SLC6A6: variants seen among roughly 807,000 people sequenced by gnomAD.
The protein encoded by SLC6A6 is sodium- and chloride-dependent taurine transporter.
SLC6A6 carries 16 observed loss-of-function variants against 68.8 expected under a neutral mutation model. The ratio of observed to expected loss-of-function variants is 0.23; its 90% CI spans 0.16 to 0.35. The LOEUF is 0.35. Among genes scored for constraint, SLC6A6 ranks in the 10% least tolerant of loss-of-function variants. SLC6A6 has a pLI of 1.00. For missense variants in SLC6A6, 474 were observed against 802.8 expected, an observed-to-expected ratio of 0.59 and a Z score of 4.95; for synonymous variants, 312 against 315.4, an observed-to-expected ratio of 0.99 and a Z score of 0.12.
intron 10 of SLC6A6, among the ~76,000 whole-genome samples, chr3:14,475,402 A>G (rs1282820948): frequency 6.6e-6 from 1 of 152,086 alleles, no homozygotes; most frequent in East Asian, 1.9e-4. Context: ...GCAACCAAAG[A>G]GCTCACCCAG....
At chr3:14,474,246 T>G (rs1700820613) in intron 10 of SLC6A6, among the ~76,000 whole-genome samples, 1 of 152,130 alleles carries the variant, frequency 6.6e-6, no homozygotes, top group Non-Finnish European at 1.5e-5. Flanking sequence ...TGGGGAAGGT[T>G]TTGCAGATGC....
At chr3:14,408,519 G>C (rs1354593044) in intron 1 of SLC6A6, among the ~76,000 whole-genome samples, 3 of 152,038 alleles carry the variant, frequency 2.0e-5, no homozygotes, top group African/African-American at 4.8e-5. Flanking sequence ...ATTTTTAGTA[G>C]AGACAGGGTT....
chr3:14,441,169 G>C (rs6442457), intron 2 of SLC6A6, among the ~76,000 whole-genome samples: 37,781 of 152,012 alleles, frequency 0.25, 4,838 homozygotes, highest in South Asian at 0.3. Flanking sequence ...GCAGACCCCA[G>C]CTCCTAGCGG....
chr3:14,416,717 G>T (rs529124764), intron 2 of SLC6A6, among the ~76,000 whole-genome samples: 3 of 152,398 alleles, frequency 2.0e-5, no homozygotes, highest in East Asian at 1.9e-4. Context: ...CACTGGTTTT[G>T]GAGATCCAGC....
rs1240192835 is a variant in SLC6A6, at chr3:14,456,726, A to G, written c.600-1224A>G. On this transcript the variant is annotated intron_variant, in intron 5 of 14. Coordinates refer to ENST00000622186, the MANE Select transcript of SLC6A6 (RefSeq NM_003043.6). The stretch of plus-strand genomic sequence containing the variant: ...CAGGAGCTGTTATTCTCATTTTACA[A>G]AAGGGGAAACTGAGGCACAGAGTCA... Among the ~76,000 whole-genome samples the G allele has an allele frequency of 3.3e-5, 5 of 152,142 alleles. No individual in the cohort carries two copies. The South Asian group carries it at 6.2e-4, about 19-fold the overall frequency.
rs1699012279 is a variant in SLC6A6, at chr3:14,402,758, G to C, written c.-143G>C. On this transcript the variant is annotated 5_prime_UTR_variant, in exon 1 of 15. Transcript: ENST00000622186. The surrounding 1 kb of genome is among the most constrained non-coding windows in gnomAD (Gnocchi z 4.8). Reference sequence around the variant, plus strand: ...AGAGGGAGTGCGGAGCGTTCACCCAGCGGGTCAGAGAGCGAGCGGGCAGGC... The same window carrying C: ...AGAGGGAGTGCGGAGCGTTCACCCACCGGGTCAGAGAGCGAGCGGGCAGGC... The C allele has an allele frequency of 7.5e-6, 3 of 398,026 alleles. No individual in the cohort carries two copies. The highest frequency in any genetic ancestry group is 8.9e-6 in the Non-Finnish European group (2 of 225,736). The allele number at this position is 398,026 out of a possible 1,614,324, so 24.7% of individuals were successfully genotyped here.
At chr3:14,439,580 T>C (rs1395356374) in intron 2 of SLC6A6, among the ~76,000 whole-genome samples, 1 of 152,162 alleles carries the variant, frequency 6.6e-6, no homozygotes, top group Non-Finnish European at 1.5e-5. Context: ...TTCTAATCAC[T>C]TGTAGCTGTA....
Position 14,472,410 on chromosome 3 carries a change from C to T in SLC6A6, c.1209+93C>T. On this transcript the variant is annotated intron_variant, in intron 10 of 14. Coordinates refer to ENST00000622186, the MANE Select transcript of SLC6A6 (RefSeq NM_003043.6). The surrounding 1 kb of genome is among the most constrained non-coding windows in gnomAD (Gnocchi z 4.5). The stretch of plus-strand genomic sequence containing the variant: ...ATTCCACCTGGGAGGTGGTCAACCC[C>T]CTTCCCCCCTCCAGTCAGACTTCCA... 1 of 765,316 alleles carries T rather than the reference C, an allele frequency of 1.3e-6. No individual in the cohort carries two copies. Among genetic ancestry groups the T allele is most frequent in the Non-Finnish European group, 2.3e-6 (1 of 434,776 alleles). 47.4% of individuals were successfully genotyped at this position (765,316 alleles called of 1,614,324 possible).
In SLC6A6 at chr3:14,457,962, G is replaced by A. The variant is rs143655034; in HGVS notation, c.612G>A (p.Leu204=). 1.7e-5 allele frequency: 27 copies of A among 1,614,196 alleles called. No individual in the cohort carries two copies. In the African/African-American group the frequency reaches 2.9e-4, roughly 18 times the overall value. Residue 204 remains leucine, a synonymous_variant, in exon 6 of 15, where the codon CTG becomes CTA. Coordinates refer to ENST00000622186, the MANE Select transcript of SLC6A6 (RefSeq NM_003043.6). ...PVIEFWERNV[L]SLSPGIDHPG... Reference sequence around the variant, plus strand: ...TGTTTGCTTCAAGGCGCAACGTGCTGAGCTTGTCCCCTGGAATCGACCACC... The same window carrying A: ...TGTTTGCTTCAAGGCGCAACGTGCTAAGCTTGTCCCCTGGAATCGACCACC...
chr3:14,431,927 G>C (rs1460282227), intron 2 of SLC6A6, among the ~76,000 whole-genome samples: 1 of 152,178 alleles, frequency 6.6e-6, no homozygotes, highest in Admixed American at 6.5e-5. Flanking sequence ...ACTGTAGATG[G>C]GATATTGTGC....
At chr3:14,483,782 A>C (rs1195614238) in intron 14 of SLC6A6, among the ~76,000 whole-genome samples, 2 of 152,136 alleles carry the variant, frequency 1.3e-5, no homozygotes, top group Admixed American at 1.3e-4. Flanking sequence ...CCTGGGCTCA[A>C]GCAATCTTCT....
At chr3:14,439,819 C>A (rs1329555076) in intron 2 of SLC6A6, among the ~76,000 whole-genome samples, 1 of 152,084 alleles carries the variant, frequency 6.6e-6, no homozygotes, top group Non-Finnish European at 1.5e-5. Context: ...CACAGAGATA[C>A]TCCGGGGACT....
chr3:14,445,232 C>G (rs1397354826), intron 3 of SLC6A6, among the ~76,000 whole-genome samples: 1 of 150,372 alleles, frequency 6.7e-6, no homozygotes, highest in Admixed American at 6.6e-5. Context: ...AACATCCTGA[C>G]TAACATGGTG....
In SLC6A6 at chr3:14,468,340, C is replaced by G. The variant is rs567661798; in HGVS notation, c.1096+128C>G. 9.5e-5 allele frequency: 69 copies of G among 728,562 alleles called. 1 individual carries two copies. The East Asian group carries it at 2.1e-3, about 22-fold the overall frequency. The allele number at this position is 728,562 out of a possible 1,614,324, so 45.1% of individuals were successfully genotyped here. On this transcript the variant is annotated intron_variant, in intron 9 of 14. Transcript: ENST00000622186. The surrounding 1 kb of genome is among the most constrained non-coding windows in gnomAD (Gnocchi z 4.5). ...GAGCCTGGTTTCTAAAATGGACCCC[C>G]CCCCCGCCACCAAGATATCCCCCAA...
chr3:14,479,095 C>T lies in SLC6A6; in HGVS notation c.1461C>T (p.Asn487=). The T allele has an allele frequency of 6.2e-7, 1 of 1,610,800 alleles. No individual in the cohort carries two copies. Among genetic ancestry groups the T allele is most frequent in the South Asian group, 1.1e-5 (1 of 91,026 alleles). ...FVIAWIYGGD[N]LYDGIEDMIG... is the part of the protein sequence containing the mutation. ...CTCTGTCTCTTGCAGGAGGTGATAA[C>T]CTTTATGATGGTATTGAGGACATGA... The change falls in exon 13 of 15, where the codon AAC becomes AAT. Residue 487 remains asparagine (N), a synonymous_variant. Transcript: ENST00000622186.
chr3:14,454,978 T>C (rs1343314842), intron 5 of SLC6A6, among the ~76,000 whole-genome samples: 2 of 152,250 alleles, frequency 1.3e-5, no homozygotes, highest in East Asian at 1.9e-4. Flanking sequence ...TTTACACCGC[T>C]GCATTGTATT....
At chr3:14,432,714 G>A (rs1699756818) in intron 2 of SLC6A6, 1 of 152,372 alleles carries the variant, frequency 6.6e-6, no homozygotes, top group Non-Finnish European at 1.5e-5. Context: ...AAGCCCCGAT[G>A]TGTGCAGAAT....
At chr3:14,459,559 A>T (rs1431037318) in intron 6 of SLC6A6, among the ~76,000 whole-genome samples, 2 of 152,054 alleles carry the variant, frequency 1.3e-5, no homozygotes, top group Non-Finnish European at 2.9e-5. Flanking sequence ...GGCCTTGGAC[A>T]CCTGCCCGTG....
chr3:14,482,686 G>C (rs1701035622), intron 14 of SLC6A6, among the ~76,000 whole-genome samples: 1 of 152,194 alleles, frequency 6.6e-6, no homozygotes, highest in Admixed American at 6.5e-5. Context: ...TGGTGGCAGG[G>C]GAGGGAGGGG....
Sources: allele counts gnomAD v4.1 joint callset (sites outside exome capture counted in the v4.1 genomes callset), GRCh38; gene constraint gnomAD v4.1.1; non-coding constraint Gnocchi (gnomAD v3.1); transcripts MANE v1.5; gene names NCBI Gene and HGNC (gene_info 2026-07-23, HGNC 2026-07-21).